The following TRAM1 variants were observed in gnomAD, a reference collection of about 807,000 sequenced individuals.
The protein encoded by TRAM1 is translocating chain-associated membrane protein 1.
A neutral mutation model predicts 48.7 loss-of-function variants in TRAM1; 17 were observed. The ratio of observed to expected loss-of-function variants is 0.35; its 90% CI spans 0.24 to 0.52. The LOEUF (loss-of-function observed/expected upper bound fraction) is 0.52. Among genes scored for constraint, TRAM1 ranks in the 20% least tolerant of loss-of-function variants. TRAM1 has a pLI of 0.94. For synonymous variants in TRAM1, 182 were observed against 154.0 expected, an observed-to-expected ratio of 1.18 and a Z score of -1.34; for missense variants, 351 against 441.5, an observed-to-expected ratio of 0.79 and a Z score of 1.84.
At position 70,600,005 on chromosome 8, in the gene TRAM1, C is replaced by A. The variant is rs370931489; in HGVS notation, c.187+14G>T. On this transcript the variant is annotated intron_variant, in intron 2 of 10. Coordinates refer to ENST00000262213, the MANE Select transcript of TRAM1 (RefSeq NM_014294.6). ...TTCTATTTACGTAGAAAATTCTTAGCGTAAATTACCTACCTGTTGCTGGGA... is the reference window on the plus strand; with the variant it reads ...TTCTATTTACGTAGAAAATTCTTAGAGTAAATTACCTACCTGTTGCTGGGA... 6.2e-7 allele frequency: 1 copy of A among 1,608,900 alleles called. No individual in the cohort carries two copies. The highest frequency in any genetic ancestry group is 1.7e-5 in the Admixed American group (1 of 59,742).
At chr8:70,582,477 A>G (rs2132026894) in intron 10 of TRAM1, among the ~76,000 whole-genome samples, 1 of 151,110 alleles carries the variant, frequency 6.6e-6, no homozygotes, top group East Asian at 2.0e-4. Flanking sequence ...ACTAAAATGT[A>G]TTAAGAAAAT....
In TRAM1 at chr8:70,575,055, G is replaced by C; in HGVS notation, c.1052-50C>G. ...TACTCTCTTTTATAAATAAATGCAA[G>C]TTATAATCTTTATATGTAAAGATAC... On this transcript the variant is annotated intron_variant, in intron 10 of 10. Transcript: ENST00000262213. 4 of 1,336,038 alleles carry C rather than the reference G, an allele frequency of 3.0e-6. No homozygotes were observed. In the African/African-American group the frequency reaches 5.9e-5, roughly 20 times the overall value. 82.8% of individuals were successfully genotyped at this position (1,336,038 alleles called of 1,614,324 possible).
rs1261419030 is a variant in TRAM1 at position 70,608,330 on chromosome 8, T to G, written c.-131A>C. Reference sequence around the variant, plus strand: ...CTGCAGCCGCTCGCTGGGGCTTCACTTCCCATCCCACAGCCAGTACGCAGC... The same window carrying G: ...CTGCAGCCGCTCGCTGGGGCTTCACGTCCCATCCCACAGCCAGTACGCAGC... On this transcript the variant is annotated 5_prime_UTR_variant, in exon 1 of 11. Coordinates refer to ENST00000262213, the MANE Select transcript of TRAM1 (RefSeq NM_014294.6). 2.0e-5 allele frequency: 25 copies of G among 1,229,728 alleles called. No homozygotes were observed. The highest frequency in any genetic ancestry group is 3.0e-5 in the Admixed American group (1 of 33,528). 76.2% of individuals were successfully genotyped at this position (1,229,728 alleles called of 1,614,324 possible). A position where few individuals can be genotyped will look rare whatever the true frequency, so the allele number is the denominator to read the frequency against.
At position 70,589,951 on chromosome 8, in the gene TRAM1, C is replaced by G. The variant is rs188810734; in HGVS notation, c.571-2775G>C. On this transcript the variant is annotated intron_variant, in intron 6 of 10. Transcript: ENST00000262213. ...TTAGTAGTATGTGAATATGGTAAAG[C>G]AGGAAGGTGGCACATAAATGACTAG... is the stretch of plus-strand genomic sequence containing the variant. 7.9e-5 allele frequency among the ~76,000 whole-genome samples: 12 copies of G among 152,164 alleles called. No individual in the cohort carries two copies. The East Asian group carries it at 2.1e-3, about 27-fold the overall frequency.
At chr8:70,594,242 A>G (rs1236459614) in intron 6 of TRAM1, among the ~76,000 whole-genome samples, 1 of 151,936 alleles carries the variant, frequency 6.6e-6, no homozygotes, top group Non-Finnish European at 1.5e-5. Flanking sequence ...CCACTAACAT[A>G]ATTTTAAGAC....
At chr8:70,587,798 C>G (rs1294713935) in intron 6 of TRAM1, 2 of 152,140 alleles carry the variant, frequency 1.3e-5, no homozygotes, top group Non-Finnish European at 2.9e-5. Flanking sequence ...ATTGTATATT[C>G]TTTTTCCTCA....
At chr8:70,597,569 C>G (rs915867654) in intron 4 of TRAM1, among the ~76,000 whole-genome samples, 15 of 143,990 alleles carry the variant, frequency 1.0e-4, no homozygotes, top group African/African-American at 3.9e-4. Context: ...ACTTGGGAAG[C>G]TGAGGCAGGA....
chr8:70,599,198 C>T (rs773144189), intron 2 of TRAM1, among the ~76,000 whole-genome samples: 1 of 152,170 alleles, frequency 6.6e-6, no homozygotes, highest in African/African-American at 2.4e-5. Context: ...CTGGAGGCTG[C>T]AGTGAGCTAC....
At position 70,597,881 on chromosome 8, in the gene TRAM1, G is replaced by C; in HGVS notation, c.426+14C>G. The C allele has an allele frequency of 6.4e-7, 1 of 1,559,706 alleles. No individual in the cohort carries two copies. The highest frequency in any genetic ancestry group is 8.7e-7 in the Non-Finnish European group (1 of 1,145,620). Reference sequence around the variant, plus strand: ...ATAAGGAAGGAGAACAACAACCTAAGAGGACATACTTACAGAGATGAGAAT... The same window carrying C: ...ATAAGGAAGGAGAACAACAACCTAACAGGACATACTTACAGAGATGAGAAT... On this transcript the variant is annotated intron_variant, in intron 4 of 10. Coordinates refer to ENST00000262213, the MANE Select transcript of TRAM1 (RefSeq NM_014294.6).
chr8:70,594,305 G>GTTTT (rs71560423), intron 6 of TRAM1, among the ~76,000 whole-genome samples: 3 of 126,072 alleles, frequency 2.4e-5, no homozygotes, highest in African/African-American at 5.9e-5. Context: ...CTGACTGAAG[G>GTTTT]TTTTTTTTTT....
intron 1 of TRAM1, chr8:70,607,242 T>C (rs73685684): frequency 0.074 from 72,782 of 985,216 alleles, 2,809 homozygotes; most frequent in Middle Eastern, 0.086. Context: ...GTCATCAAAA[T>C]ACTAGATACG....
rs191341013 is a variant in TRAM1 at position 70,573,740 on chromosome 8, T to C, written c.*1192A>G. ...TGAACACTGAAAAGAACAATATATATACTGTAAATATGATGAATAAACCAA... is the reference window on the plus strand; with the variant it reads ...TGAACACTGAAAAGAACAATATATACACTGTAAATATGATGAATAAACCAA... On this transcript the variant is annotated 3_prime_UTR_variant, in exon 11 of 11. Transcript: ENST00000262213. 2 of 152,480 alleles carry C rather than the reference T, an allele frequency of 1.3e-5. No homozygotes were observed. Among genetic ancestry groups the C allele is most frequent in the Admixed American group, 1.3e-4 (2 of 15,270 alleles). 9.4% of individuals were successfully genotyped at this position (152,480 alleles called of 1,614,324 possible).
chr8:70,607,798 G>GGGCGGCGGC (rs1305044946), intron 1 of TRAM1: 1 of 257,064 alleles, frequency 3.9e-6, no homozygotes, highest in African/African-American at 2.2e-5. Context: ...CTGCGGGAGG[G>GGGCGGCGGC]GGCGGCGGCG....
intron 5 of TRAM1, among the ~76,000 whole-genome samples, chr8:70,595,418 C>T (rs1316346981): frequency 1.3e-5 from 2 of 152,078 alleles, no homozygotes; most frequent in South Asian, 2.1e-4. Context: ...GGTATTACTG[C>T]TAGACTTAAA....
intron 8 of TRAM1, among the ~76,000 whole-genome samples, chr8:70,584,516 T>C (rs1041618195): frequency 6.6e-5 from 10 of 152,180 alleles, no homozygotes; most frequent in South Asian, 4.1e-4. Context: ...GATGACATGA[T>C]TGTATAACTA....
chr8:70,597,846 C>T, intron 4 of TRAM1, 49 bp downstream of exon 4: 1 of 1,384,082 alleles, frequency 7.2e-7, no homozygotes, highest in South Asian at 1.4e-5. Flanking sequence ...AGCAGAGTTT[C>T]TAATCTTAGA....
At chr8:70,598,405 G>C in intron 2 of TRAM1, 150 bp from the exon 3 acceptor site, 1 of 605,320 alleles carries the variant, frequency 1.7e-6, no homozygotes, top group Non-Finnish European at 2.5e-6. Context: ...TGGACATCTT[G>C]AGTCTTAGAG....
intron 6 of TRAM1, 30 bp from the exon 7 acceptor site, chr8:70,587,206 A>G: frequency 6.3e-7 from 1 of 1,594,682 alleles, no homozygotes; most frequent in Non-Finnish European, 8.6e-7. Flanking sequence ...AGATTAAAAC[A>G]TGCTAAAACA....
chr8:70,587,023 T>C (rs1187622291), intron 7 of TRAM1, 24 bp from the exon 8 acceptor site: 21 of 1,612,312 alleles, frequency 1.3e-5, no homozygotes, highest in Non-Finnish European at 1.8e-5. Flanking sequence ...AAATTAAAAA[T>C]GGGAATATTA....
Sources: gnomAD v4.1 joint callset for allele counts (sites outside exome capture counted in the v4.1 genomes callset) on GRCh38, gnomAD v4.1.1 for gene constraint, MANE v1.5 for transcripts, NCBI Gene and HGNC (gene_info 2026-07-23, HGNC 2026-07-21) for gene names.